Variants in IFT43 observed in about 807,000 individuals in gnomAD.
The protein encoded by IFT43 is intraflagellar transport protein 43 homolog.
A neutral mutation model predicts 32.3 loss-of-function variants in IFT43; 33 were observed. That is an observed-to-expected ratio of 1.02 (90% CI 0.77 to 1.37). IFT43 has a LOEUF of 1.37. Ranked by LOEUF, IFT43 falls within the 40% of genes most tolerant of loss-of-function variation. IFT43 has a pLI of 0.00. For missense variants in IFT43, 274 were observed against 265.9 expected (o/e 1.03, Z -0.21); for synonymous variants, 93 against 98.2 (o/e 0.95, Z 0.31).
At chr14:76,073,589 G>A (rs1409135751) in intron 5 of IFT43, among the ~76,000 whole-genome samples, 2 of 152,050 alleles carry the variant, frequency 1.3e-5, no homozygotes, top group African/African-American at 2.4e-5. Context: ...GTGTGTGTGC[G>A]CATGTGCACA....
intron 2 of IFT43, among the ~76,000 whole-genome samples, chr14:75,995,054 G>A (rs544149506): frequency 6.6e-6 from 1 of 152,190 alleles, no homozygotes; most frequent in Admixed American, 6.5e-5. Context: ...AGCTTACATT[G>A]CAACAGTTGC....
At chr14:75,991,128 G>A (rs1001921888) in intron 2 of IFT43, among the ~76,000 whole-genome samples, 1 of 152,136 alleles carries the variant, frequency 6.6e-6, no homozygotes, top group Non-Finnish European at 1.5e-5. Flanking sequence ...TTGTTTGAAC[G>A]TAGGAGTTCA....
chr14:76,058,486 C>A, intron 3 of IFT43, 156 bp from the exon 4 acceptor site: 1 of 746,558 alleles, frequency 1.3e-6, no homozygotes, highest in Non-Finnish European at 2.2e-6. Context: ...TTCTCTCATG[C>A]TGGTTGTGGG....
chr14:76,069,692 T>A (rs895699564), intron 5 of IFT43, among the ~76,000 whole-genome samples: 1 of 152,218 alleles, frequency 6.6e-6, no homozygotes, highest in African/African-American at 2.4e-5. Context: ...ACAAAAGAAT[T>A]TGTGAGCTCC....
intron 7 of IFT43, 92 bp downstream of exon 7, chr14:76,082,784 G>A (rs902602438): frequency 3.6e-5 from 34 of 946,954 alleles, no homozygotes; most frequent in Admixed American, 2.2e-4. Context: ...GCTATACAGC[G>A]CCTCCACCAG....
intron 3 of IFT43, among the ~76,000 whole-genome samples, chr14:76,056,082 C>A (rs2037009057): frequency 6.6e-6 from 1 of 152,126 alleles, no homozygotes; most frequent in Admixed American, 6.5e-5. Flanking sequence ...TACATTAAAA[C>A]AGAACAAAAC....
intron 3 of IFT43, among the ~76,000 whole-genome samples, chr14:76,036,115 G>A (rs896921564): frequency 1.3e-5 from 2 of 152,076 alleles, no homozygotes; most frequent in Admixed American, 6.5e-5. Context: ...GCTGCTGCTG[G>A]AGATAATTTT....
At chr14:75,986,618 T>A (rs2035534791) in intron 1 of IFT43, among the ~76,000 whole-genome samples, 1 of 152,216 alleles carries the variant, frequency 6.6e-6, no homozygotes, top group South Asian at 2.1e-4. Flanking sequence ...TAGCTACTGC[T>A]GCCTATGAGG....
At chr14:75,999,494 C>G (rs1421184485) in intron 2 of IFT43, among the ~76,000 whole-genome samples, 2 of 151,120 alleles carry the variant, frequency 1.3e-5, no homozygotes, top group Non-Finnish European at 2.9e-5. Context: ...CTTATTTATC[C>G]TACATTTAAT....
At chr14:76,075,695 C>T (rs115837343) in intron 5 of IFT43, among the ~76,000 whole-genome samples, 3,476 of 152,252 alleles carry the variant, frequency 0.023, 121 homozygotes, top group African/African-American at 0.078. Flanking sequence ...TATGAAACGC[C>T]CATGATGCCA....
intron 3 of IFT43, among the ~76,000 whole-genome samples, chr14:76,055,216 C>A (rs146672444): frequency 1.3e-5 from 2 of 151,752 alleles, no homozygotes; most frequent in South Asian, 2.1e-4. Context: ...CACGGTGGCA[C>A]GCACTTGTAG....
At chr14:75,999,226 T>A (rs1248291703) in intron 2 of IFT43, among the ~76,000 whole-genome samples, 5 of 103,566 alleles carry the variant, frequency 4.8e-5, no homozygotes, top group African/African-American at 1.5e-4. Flanking sequence ...ATAAATTCAT[T>A]TTATATATAT....
At chr14:76,076,063 A>G (rs2037406686) in intron 5 of IFT43, among the ~76,000 whole-genome samples, 1 of 152,216 alleles carries the variant, frequency 6.6e-6, no homozygotes, top group Admixed American at 6.5e-5. Context: ...TTGGTTGTTG[A>G]ACTTGGCTGT....
At chr14:76,051,228 T>C (rs567490935) in intron 3 of IFT43, among the ~76,000 whole-genome samples, 6 of 147,736 alleles carry the variant, frequency 4.1e-5, no homozygotes, top group African/African-American at 1.5e-4. Context: ...CGGCATATAC[T>C]AGATGCTAAA....
chr14:76,019,389 T>TC (rs1003622749), intron 2 of IFT43, among the ~76,000 whole-genome samples: 2 of 152,080 alleles, frequency 1.3e-5, no homozygotes, highest in African/African-American at 4.8e-5. Flanking sequence ...TTTTTTTTTT[T>TC]CCCTTTCAGC....
intron 2 of IFT43, among the ~76,000 whole-genome samples, chr14:76,009,510 TA>T (rs1424836887): frequency 6.6e-6 from 1 of 152,248 alleles, no homozygotes; most frequent in African/African-American, 2.4e-5. Flanking sequence ...TTTCTCTTTG[TA>T]GCCTGTGTTC....
intron 3 of IFT43, among the ~76,000 whole-genome samples, chr14:76,044,245 G>C (rs540822748): frequency 1.3e-5 from 2 of 152,114 alleles, no homozygotes; most frequent in East Asian, 3.9e-4. Flanking sequence ...TCACTATGTT[G>C]ACCAGGCTGG....
At chr14:76,051,966 C>G (rs2036921594) in intron 3 of IFT43, among the ~76,000 whole-genome samples, 1 of 152,196 alleles carries the variant, frequency 6.6e-6, no homozygotes, top group East Asian at 1.9e-4. Flanking sequence ...CATTCCTCCC[C>G]AGGTCGGAGT....
chr14:76,036,393 GTTCT>G (rs1429869801), intron 3 of IFT43, among the ~76,000 whole-genome samples: 4 of 123,014 alleles, frequency 3.3e-5, no homozygotes, highest in South Asian at 2.6e-4. Flanking sequence ...TTGTTCTTTC[GTTCT>G]TTCTGTCTTT....
Sources: allele counts gnomAD v4.1 joint callset (sites outside exome capture counted in the v4.1 genomes callset), GRCh38; gene constraint gnomAD v4.1.1; transcripts MANE v1.5; gene names NCBI Gene and HGNC (gene_info 2026-07-23, HGNC 2026-07-21).